The following NECAB2 variants were observed in gnomAD, a reference collection of about 807,000 sequenced individuals.
The protein encoded by NECAB2 is N-terminal EF-hand calcium binding protein 2.
Under a neutral mutation model 51.9 loss-of-function variants are expected in NECAB2, and 68 were observed. The observed-to-expected ratio is 1.31, with a 90% CI of 1.08 to 1.60. The LOEUF (loss-of-function observed/expected upper bound fraction) is 1.60, where lower values mean the gene tolerates loss of function less well. Among genes scored for constraint, NECAB2 ranks in the 40% most tolerant of loss-of-function variants. The probability of loss-of-function intolerance (pLI) is 0.00; values close to 1 mark genes in which losing one functional copy is unlikely to be tolerated. For missense variants in NECAB2, 854 were observed against 490.3 expected (o/e 1.74, Z -7.00); for synonymous variants, 329 against 203.5 (o/e 1.62, Z -5.25).
chr16:83,996,770 T>G (rs983732512), intron 8 of NECAB2, among the ~76,000 whole-genome samples: 2 of 151,596 alleles, frequency 1.3e-5, no homozygotes, highest in African/African-American at 4.9e-5. Flanking sequence ...AGACCGAAAC[T>G]TACAGTGGGG....
At chr16:83,993,096 C>A in intron 6 of NECAB2, among the ~76,000 whole-genome samples, 1 of 152,110 alleles carries the variant, frequency 6.6e-6, no homozygotes, top group East Asian at 1.9e-4. Flanking sequence ...ACATGCCCCT[C>A]CCTCGAACTT....
Position 83,998,292 on chromosome 16 carries a change from A to G in NECAB2, c.937A>G (p.Thr313Ala), listed in dbSNP as rs2084749669. The G allele has an allele frequency of 2.5e-6, 4 of 1,613,376 alleles. No homozygotes were observed. The highest frequency in any genetic ancestry group is 1.7e-4 in the Middle Eastern group (1 of 6,058). ...LDSLRQYLRG[T>A]TGVRNCFHIT... is the part of the protein sequence containing the mutation. ...CTCTCTGCGCCAGTATCTGCGGGGG[A>G]CCACTGGCGTGAGGAACTGCTTCCA... Residue 313 changes from threonine (T) to alanine (A), a missense_variant, in exon 10 of 13, where the codon ACC becomes GCC. Transcript: ENST00000305202.
intron 8 of NECAB2, among the ~76,000 whole-genome samples, chr16:83,995,385 TAATC>T (rs57901744): frequency 0.068 from 10,387 of 152,108 alleles, 1,157 homozygotes; most frequent in African/African-American, 0.24. Flanking sequence ...CCTCCTCTGA[TAATC>T]AAGAAAATAA....
intron 11 of NECAB2, 30 bp from the exon 12 acceptor site, chr16:84,001,795 C>A (rs978315438): frequency 1.1e-5 from 18 of 1,612,524 alleles, no homozygotes; most frequent in Admixed American, 1.7e-5. Flanking sequence ...CTCCTGCCAC[C>A]CCTGACTCAC....
At chr16:83,996,593 C>T (rs551527246) in intron 8 of NECAB2, among the ~76,000 whole-genome samples, 7 of 145,092 alleles carry the variant, frequency 4.8e-5, no homozygotes, top group South Asian at 2.1e-4. Flanking sequence ...TGAGCCTGTG[C>T]GTCAGGTAGA....
intron 2 of NECAB2, among the ~76,000 whole-genome samples, chr16:83,976,259 G>T (rs1296799628): frequency 1.3e-5 from 2 of 152,206 alleles, no homozygotes; most frequent in Non-Finnish European, 2.9e-5. Context: ...CCTACCCCTG[G>T]ATTAGGTTGA....
chr16:83,990,293 A>T (rs1038234025), intron 5 of NECAB2, among the ~76,000 whole-genome samples: 1 of 152,112 alleles, frequency 6.6e-6, no homozygotes, highest in Admixed American at 6.5e-5. Context: ...CCAGGGTTCA[A>T]ATTTGGTCTC....
intron 9 of NECAB2, 52 bp from the exon 10 acceptor site, chr16:83,998,153 A>C: frequency 6.5e-7 from 1 of 1,548,640 alleles, no homozygotes; most frequent in Non-Finnish European, 8.8e-7. Context: ...TGGGGTGTTT[A>C]GGGAGAAGGC....
chr16:83,995,414 C>G (rs370463950), intron 8 of NECAB2, among the ~76,000 whole-genome samples: 1 of 152,102 alleles, frequency 6.6e-6, no homozygotes, highest in Admixed American at 6.5e-5. Flanking sequence ...GAGCATGGGA[C>G]CCCTCCCTCA....
chr16:83,967,229 C>T (rs565443188), upstream of NECAB2, among the ~76,000 whole-genome samples: 33 of 152,122 alleles, frequency 2.2e-4, no homozygotes, highest in South Asian at 6.8e-3. Flanking sequence ...TTTGGCTCTG[C>T]CCACTTGGAT....
At chr16:83,991,479 G>A (rs988331360) in intron 6 of NECAB2, among the ~76,000 whole-genome samples, 1 of 146,714 alleles carries the variant, frequency 6.8e-6, no homozygotes, top group African/African-American at 2.6e-5. Context: ...CGATTCTCCT[G>A]CCTCAGCCTC....
chr16:83,993,838 G>A (rs1008878156), intron 6 of NECAB2, among the ~76,000 whole-genome samples: 5 of 152,072 alleles, frequency 3.3e-5, no homozygotes, highest in African/African-American at 1.2e-4. Context: ...TTTAGGTCTC[G>A]CTTTTATGTG....
At chr16:83,972,288 G>A in intron 2 of NECAB2, 113 bp downstream of exon 2, 1 of 1,490,952 alleles carries the variant, frequency 6.7e-7, no homozygotes, top group Non-Finnish European at 9.3e-7. Context: ...GGTTTGGAGT[G>A]CAGGGGTCTG....
intron 8 of NECAB2, 109 bp downstream of exon 8, chr16:83,994,797 C>A: frequency 7.9e-7 from 1 of 1,263,234 alleles, no homozygotes; most frequent in South Asian, 1.3e-5. Context: ...GCCAGGGAAC[C>A]ATGAAAAAGA....
chr16:83,986,885 A>AG (rs774270085), intron 5 of NECAB2, among the ~76,000 whole-genome samples: 12 of 152,138 alleles, frequency 7.9e-5, no homozygotes, highest in Non-Finnish European at 1.6e-4. Context: ...AAGTTGCTCC[A>AG]GGGAGGGTAG....
At chr16:83,965,200 C>T, upstream of NECAB2, 1 of 1,613,230 alleles carries the variant, frequency 6.2e-7, no homozygotes, top group Non-Finnish European at 8.5e-7. Context: ...CCGATCCCAG[C>T]AGCTGTGGGG....
chr16:83,980,461 G>A (rs2084471823), intron 3 of NECAB2, among the ~76,000 whole-genome samples: 2 of 152,220 alleles, frequency 1.3e-5, no homozygotes, highest in Non-Finnish European at 2.9e-5. Flanking sequence ...AGGCAGGGTC[G>A]ACTGGGGGTG....
At chr16:83,972,260 C>T (rs370213997) in intron 2 of NECAB2, 85 bp downstream of exon 2, 19 of 1,591,464 alleles carry the variant, frequency 1.2e-5, no homozygotes, top group African/African-American at 9.4e-5. Context: ...AGGAGACAAG[C>T]GCAACCTTGA....
chr16:83,991,937 G>T (rs950433580), intron 6 of NECAB2, among the ~76,000 whole-genome samples: 3 of 151,924 alleles, frequency 2.0e-5, no homozygotes, highest in African/African-American at 7.3e-5. Flanking sequence ...TTACAGGCAG[G>T]AGCCACCACA....
Sources: allele counts gnomAD v4.1 joint callset (sites outside exome capture counted in the v4.1 genomes callset), GRCh38; gene constraint gnomAD v4.1.1; transcripts MANE v1.5; gene names NCBI Gene and HGNC (gene_info 2026-07-23, HGNC 2026-07-21).